The following TTN variants were observed in gnomAD, a reference collection of about 807,000 sequenced individuals.
TTN encodes connectin.
In TTN, 1,525 loss-of-function variants were observed where a neutral mutation model predicts 3,223.0. That is an observed-to-expected ratio of 0.47 (90% CI 0.45 to 0.49). The LOEUF is 0.49. TTN is among the 20% of genes least tolerant of loss of function. TTN has a pLI of 0.00. For missense variants in TTN, 40,786 were observed against 43,424.0 expected (o/e 0.94, Z 5.40); for synonymous variants, 14,094 against 15,161.0 (o/e 0.93, Z 5.17).
intron 167 of TTN, 22 bp downstream of exon 167, chr2:178,664,632 C>T (rs1351254469): frequency 6.2e-7 from 1 of 1,611,422 alleles, no homozygotes; most frequent in African/African-American, 1.3e-5. Context: ...TCCCACCCCT[C>T]TAAGCTTCCA....
At chr2:178,767,954 C>T (rs749758517) in intron 39 of TTN, 30 bp from the exon 40 acceptor site, 15 of 1,613,942 alleles carry the variant, frequency 9.3e-6, no homozygotes, top group Middle Eastern at 1.6e-4. Flanking sequence ...TCGAGTTTAC[C>T]GTATGGTGAT....
chr2:178,635,110 A>C, intron 228 of TTN, 55 bp downstream of exon 228: 1 of 1,600,396 alleles, frequency 6.2e-7, no homozygotes, highest in Non-Finnish European at 8.5e-7. Flanking sequence ...TAGATCCTGA[A>C]TATTGGATGT....
rs2091324546 is a variant in TTN, at chr2:178,770,639, A to G, written c.8153T>C (p.Val2718Ala). Residue 2718 changes from valine to alanine, a missense_variant, in exon 35 of 363, where the codon GTG (valine) becomes GCG (alanine). Val to Ala is a moderately conservative substitution (Grantham distance 64, BLOSUM62 0). Transcript: ENST00000589042. The stretch of plus-strand genomic sequence containing the variant: ...GAAAACAGCATCCTGTGTTTCTGTC[A>G]CTGTGAGGTTCTTCAGAGTCTTCTT... ...KIKKTLKNLTVTETQDAVFTV... is the reference protein window; with the variant it reads ...KIKKTLKNLTATETQDAVFTV... 6.2e-7 allele frequency: 1 copy of G among 1,613,872 alleles called. No individual in the cohort carries two copies. The highest frequency in any genetic ancestry group is 1.1e-5 in the South Asian group (1 of 91,078).
rs369711272 is a variant in TTN at position 178,573,288 on chromosome 2, A to G, written c.72844T>C (p.Tyr24282His). 8.8e-6 allele frequency: 14 copies of G among 1,589,852 alleles called. No homozygotes were observed. The highest frequency in any genetic ancestry group is 3.6e-5 in the Admixed American group (2 of 56,094). ...CNKKTLTDLR[Y>H]KVSGLTEGHE... is the part of the protein sequence containing the mutation. Reference sequence around the variant, plus strand: ...CCTTCTGTCAGTCCAGACACTTTATATCTTAAATCAGTAAGAGTTTTTTTG... The same window carrying G: ...CCTTCTGTCAGTCCAGACACTTTATGTCTTAAATCAGTAAGAGTTTTTTTG... Residue 24282 changes from tyrosine (Y) to histidine (H), a missense_variant, in exon 326 of 363, where the codon TAT becomes CAT. Physicochemically the swap from Tyr to His is moderately conservative, Grantham distance 83. Transcript: ENST00000589042.
At chr2:178,603,174 G>C (rs1045943228) in intron 282 of TTN, among the ~76,000 whole-genome samples, 1 of 151,822 alleles carries the variant, frequency 6.6e-6, no homozygotes, top group Non-Finnish European at 1.5e-5. Flanking sequence ...CTTGCACAAA[G>C]CACATGTTCA....
intron 295 of TTN, among the ~76,000 whole-genome samples, chr2:178,595,193 C>T (rs547072289): frequency 6.6e-6 from 1 of 152,080 alleles, no homozygotes; most frequent in Non-Finnish European, 1.5e-5. Flanking sequence ...ATCACTTGAA[C>T]CTCAGAGGTG....
In TTN at chr2:178,586,730, G is replaced by A. The variant is rs371009616; in HGVS notation, c.64171C>T (p.Leu21391=). 1.9e-6 allele frequency: 3 copies of A among 1,612,986 alleles called. No individual in the cohort carries two copies. The African/African-American group carries it at 4.0e-5, about 22-fold the overall frequency. Residue 21391 remains leucine, a synonymous_variant, in exon 308 of 363, where the codon CTA becomes TTA. Transcript: ENST00000589042. ...TCGATTTTAGCACCTCCATCACGTA[G>A]GGGAGGTAACCAGGCTAAGGTGGCA... ...NSATLAWLPP[L]RDGGAKIDGY...
Position 178,541,381 on chromosome 2 carries a change from C to T in TTN, c.97696G>A (p.Glu32566Lys), listed in dbSNP as rs1258453837. 1.9e-6 allele frequency: 3 copies of T among 1,609,546 alleles called. No homozygotes were observed. Among genetic ancestry groups the T allele is most frequent in the Non-Finnish European group, 1.7e-6 (2 of 1,177,782 alleles). Residue 32566 changes from glutamate (E) to lysine (K), a missense_variant, in exon 350 of 363, where the codon GAA becomes AAA. Physicochemically the swap from Glu to Lys is moderately conservative, Grantham distance 56. Coordinates refer to ENST00000589042, the MANE Select transcript of TTN (RefSeq NM_001267550.2). ...MTRYRSTGLT[E>K]GLEYEHRVTA... ...ACACGGTGTTCATATTCTAAGCCTTCAGTAAGGCCAGTGGAGCGGTACCGT... is the reference window on the plus strand; with the variant it reads ...ACACGGTGTTCATATTCTAAGCCTTTAGTAAGGCCAGTGGAGCGGTACCGT...
At position 178,632,611 on chromosome 2, in the gene TTN, C is replaced by G. The variant is rs781001900; in HGVS notation, c.43395G>C (p.Val14465=). The G allele has an allele frequency of 6.2e-7, 1 of 1,613,444 alleles. No individual in the cohort carries two copies. The highest frequency in any genetic ancestry group is 1.1e-5 in the South Asian group (1 of 91,058). ...LIKDGTKHSM[V]IKSAAFEDEA... Reference sequence around the variant, plus strand: ...CATCTTCAAAAGCAGCTGACTTGATCACCATTGAATGCTTAGTGCCATCCT... The same window carrying G: ...CATCTTCAAAAGCAGCTGACTTGATGACCATTGAATGCTTAGTGCCATCCT... Residue 14465 remains valine (V), a synonymous_variant, in exon 235 of 363, where the codon GTG becomes GTC. Transcript: ENST00000589042.
chr2:178,738,452 T>C lies in TTN; in HGVS notation c.14093-92A>G, dbSNP rs1026416548. 2.8e-6 allele frequency: 4 copies of C among 1,420,436 alleles called. No individual in the cohort carries two copies. In the Admixed American group the frequency reaches 8.0e-5, roughly 29 times the overall value. The allele number at this position is 1,420,436 out of a possible 1,614,324, so 88.0% of individuals were successfully genotyped here. On this transcript the variant is annotated intron_variant, in intron 48 of 362. Coordinates refer to ENST00000589042, the MANE Select transcript of TTN (RefSeq NM_001267550.2). ...CTAACTTTTGTTGCTGTTAATGGAG[T>C]AAAACAGTTGAAATTGGTGAGATGG...
At chr2:178,757,227 A>ACACTGTACTTGCTT (rs1182075269) in intron 45 of TTN, among the ~76,000 whole-genome samples, 351 of 150,196 alleles carry the variant, frequency 2.3e-3, no homozygotes, top group Admixed American at 3.6e-3. Context: ...ACAGTAAGTA[A>ACACTGTACTTGCTT]TAATCAGCAA....
In TTN at chr2:178,735,798, A is replaced by G. The variant is rs369548127; in HGVS notation, c.14648T>C (p.Ile4883Thr). 1.2e-6 allele frequency: 2 copies of G among 1,613,746 alleles called. No homozygotes were observed. The highest frequency in any genetic ancestry group is 4.5e-5 in the East Asian group (2 of 44,806). The change falls in exon 50 of 363, where the codon ATC becomes ACC. Residue 4883 changes from isoleucine (I) to threonine (T), a missense_variant. Coordinates refer to ENST00000589042, the MANE Select transcript of TTN (RefSeq NM_001267550.2). ...FGADICQAEL[I>T]IIDKPHFIKE... The stretch of plus-strand genomic sequence containing the variant: ...AATGAAATGTGGCTTATCAATGATG[A>G]TCAACTCTGCTTGGCAGATGTCTGC...
rs780778814 is a variant in TTN, at chr2:178,621,001, C to G, written c.45617-8G>C. The G allele has an allele frequency of 6.2e-7, 1 of 1,608,408 alleles. No individual in the cohort carries two copies. The highest frequency in any genetic ancestry group is 1.1e-5 in the South Asian group (1 of 89,904). ...CTACGATCCTGAGTTTTTCTGAAAG[C>G]AACCGACAAGACTTTATAGTATGAA... On this transcript the variant is annotated splice_polypyrimidine_tract_variant and splice_region_variant and intron_variant, in intron 246 of 362. Transcript: ENST00000589042.
chr2:178,545,734 A>G (rs1421648929), intron 343 of TTN, 41 bp from the exon 344 acceptor site: 1 of 1,600,598 alleles, frequency 6.2e-7, no homozygotes, highest in African/African-American at 1.3e-5. Context: ...GCACAAAATT[A>G]CTATTGATAA....
chr2:178,560,892 A>G lies in TTN; in HGVS notation c.85240T>C (p.Leu28414=). ...CTTATACAGTCTTTAACTGTTAACAAAGTATGATTGTCTGTTGAGATGATT... is the reference window on the plus strand; with the variant it reads ...CTTATACAGTCTTTAACTGTTAACAGAGTATGATTGTCTGTTGAGATGATT... ...TEIISTDNHT[L]LTVKDCIRRD... The change falls in exon 326 of 363, where the codon TTG becomes CTG. Residue 28414 remains leucine (L), a synonymous_variant. Coordinates refer to ENST00000589042, the MANE Select transcript of TTN (RefSeq NM_001267550.2). The G allele has an allele frequency of 1.2e-6, 2 of 1,613,726 alleles. No homozygotes were observed. Among genetic ancestry groups the G allele is most frequent in the Non-Finnish European group, 1.7e-6 (2 of 1,179,806 alleles).
At chr2:178,579,420 G>T in intron 319 of TTN, 27 bp from the exon 320 acceptor site, 1 of 1,553,840 alleles carries the variant, frequency 6.4e-7, no homozygotes, top group Non-Finnish European at 8.6e-7. Context: ...ATAAATTACT[G>T]TTATTTTTAA....
chr2:178,799,429 C>A, intron 6 of TTN, 58 bp downstream of exon 6: 2 of 1,612,084 alleles, frequency 1.2e-6, no homozygotes, highest in Non-Finnish European at 1.7e-6. Flanking sequence ...GAATCTTTCT[C>A]GTTTCAAAAC....
Position 178,563,887 on chromosome 2 carries a change from G to A in TTN, c.82245C>T (p.Leu27415=), listed in dbSNP as rs1270012383. 1.2e-6 allele frequency: 2 copies of A among 1,613,728 alleles called. No homozygotes were observed. Among genetic ancestry groups the A allele is most frequent in the Non-Finnish European group, 1.7e-6 (2 of 1,179,730 alleles). The stretch of plus-strand genomic sequence containing the variant: ...CCTCAGTTGAAACCTGGGTCCAAGA[G>A]AGTCGGCTTGTCTCCCTCTTTTCAA... ...YIIEKRETSR[L]SWTQVSTEVQ... The change falls in exon 326 of 363, where the codon CTC becomes CTT. Residue 27415 remains leucine, a synonymous_variant. Transcript: ENST00000589042. The surrounding 1 kb of genome is among the most constrained non-coding windows in gnomAD (Gnocchi z 4.5).
chr2:178,772,880 G>T, intron 33 of TTN: 1 of 572,032 alleles, frequency 1.7e-6, no homozygotes, highest in Middle Eastern at 4.7e-4. Context: ...ATATACAAAT[G>T]GAGAGATTAA....
Sources: allele counts gnomAD v4.1 joint callset (sites outside exome capture counted in the v4.1 genomes callset), GRCh38; gene constraint gnomAD v4.1.1; non-coding constraint Gnocchi (gnomAD v3.1); transcripts MANE v1.5; gene names NCBI Gene and HGNC (gene_info 2026-07-23, HGNC 2026-07-21).